Variants in AOPEP observed in about 807,000 individuals in gnomAD.
AOPEP encodes the protein aminopeptidase O (putative).
A neutral mutation model predicts 98.1 loss-of-function variants in AOPEP; 77 were observed. That is an observed-to-expected ratio of 0.78 (90% confidence interval 0.65 to 0.95). The LOEUF (loss-of-function observed/expected upper bound fraction) is 0.95, where lower values mean the gene tolerates loss of function less well. Ranked by LOEUF, AOPEP falls within the 40% of genes least tolerant of loss-of-function variation. The pLI is 0.00. For synonymous variants in AOPEP, 346 were observed against 365.3 expected (o/e 0.95, Z 0.60); for missense variants, 1,024 against 1,024.7 (o/e 1.00, Z 0.01).
chr9:94,811,728 C>T (rs966072801), intron 5 of AOPEP, among the ~76,000 whole-genome samples: 5 of 152,206 alleles, frequency 3.3e-5, no homozygotes, highest in Admixed American at 6.5e-5. Context: ...GTGCCTGTCC[C>T]GGTAACCACT....
At chr9:94,765,253 G>C (rs58042095) in intron 2 of AOPEP, among the ~76,000 whole-genome samples, 34,181 of 151,674 alleles carry the variant, frequency 0.23, 5,593 homozygotes, top group African/African-American at 0.46. Context: ...ATGAGCCACT[G>C]ACTGCGCCCA....
At chr9:94,844,982 A>C (rs958529050) in intron 5 of AOPEP, among the ~76,000 whole-genome samples, 5 of 152,282 alleles carry the variant, frequency 3.3e-5, no homozygotes, top group Admixed American at 6.5e-5. Context: ...TCAATCAATT[A>C]ACAAATATTT....
At chr9:95,061,068 G>A (rs1750014926) in intron 14 of AOPEP, 1 of 328,890 alleles carries the variant, frequency 3.0e-6, no homozygotes, top group Non-Finnish European at 5.7e-6. Context: ...TGAGTGGAAT[G>A]TTTTTGAGTT....
intron 3 of AOPEP, among the ~76,000 whole-genome samples, chr9:94,773,766 A>G (rs190495690): frequency 3.4e-4 from 52 of 152,294 alleles, no homozygotes; most frequent in African/African-American, 1.2e-3. Flanking sequence ...GATGCCAGGA[A>G]AAAATTTGTT....
chr9:95,015,295 T>C (rs1291514067), intron 13 of AOPEP, among the ~76,000 whole-genome samples: 14 of 152,244 alleles, frequency 9.2e-5, no homozygotes, highest in Admixed American at 9.2e-4. Context: ...GAATATATGC[T>C]TTTAAAAATT....
intron 5 of AOPEP, among the ~76,000 whole-genome samples, chr9:94,869,971 ATTTTTTTTTTTTTTTTTTTT>A (rs10556167): frequency 1.6e-4 from 15 of 93,570 alleles, no homozygotes; most frequent in African/African-American, 6.1e-4. Flanking sequence ...GAAGCCATGA[ATTTTTTTTTTTTTTTTTTTT>A]TTTTTTTTTT....
the AOPEP span, among the ~76,000 whole-genome samples, chr9:95,131,196 C>T: frequency 2.6e-5 from 4 of 152,130 alleles, no homozygotes; most frequent in Non-Finnish European, 4.4e-5. Flanking sequence ...TGTACTTTTG[C>T]GTCTTAAATT....
chr9:94,840,296 A>G (rs1283603349), intron 5 of AOPEP, among the ~76,000 whole-genome samples: 2 of 152,228 alleles, frequency 1.3e-5, no homozygotes, highest in African/African-American at 4.8e-5. Flanking sequence ...GTTGGATTAC[A>G]GTGGTTGATT....
intron 5 of AOPEP, among the ~76,000 whole-genome samples, chr9:94,854,990 A>G (rs1382565176): frequency 6.6e-6 from 1 of 152,248 alleles, no homozygotes; most frequent in Non-Finnish European, 1.5e-5. Flanking sequence ...GATTCTATAC[A>G]TACTCTAAAC....
At position 94,979,344 on chromosome 9, in the gene AOPEP, T is replaced by C. The variant is rs1377515753; in HGVS notation, c.1917-23T>C. ...GCTCTGTAACTTTTTAATCCTTTAC[T>C]TTTTGTTGTTTTATTTCTAAAGGCT... On this transcript the variant is annotated intron_variant, in intron 10 of 16. Coordinates refer to ENST00000375315, the MANE Select transcript of AOPEP (RefSeq NM_001193329.3). 1.9e-6 allele frequency: 3 copies of C among 1,560,324 alleles called. No individual in the cohort carries two copies. In the East Asian group the frequency reaches 6.8e-5, roughly 35 times the overall value.
At chr9:94,944,027 C>T (rs1483530325) in intron 7 of AOPEP, among the ~76,000 whole-genome samples, 1 of 150,664 alleles carries the variant, frequency 6.6e-6, no homozygotes, top group African/African-American at 2.4e-5. Flanking sequence ...ACATTATTGG[C>T]TATCAGGAAA....
chr9:95,131,596 C>T, the AOPEP span, among the ~76,000 whole-genome samples: 6 of 152,168 alleles, frequency 3.9e-5, no homozygotes, highest in Non-Finnish European at 5.9e-5. Context: ...CAGCTTTTAG[C>T]CATACACATC....
At chr9:94,966,234 G>A (rs575187453) in intron 9 of AOPEP, among the ~76,000 whole-genome samples, 1 of 150,980 alleles carries the variant, frequency 6.6e-6, no homozygotes, top group South Asian at 2.1e-4. Context: ...GCAGTTCACT[G>A]GGTGTCATCA....
intron 4 of AOPEP, among the ~76,000 whole-genome samples, chr9:94,797,393 T>C (rs1291897555): frequency 1.4e-5 from 2 of 147,610 alleles, no homozygotes; most frequent in African/African-American, 5.0e-5. Context: ...ATTGCACCAC[T>C]GCACTTCAGC....
At chr9:94,866,835 T>G (rs1228501445) in intron 5 of AOPEP, among the ~76,000 whole-genome samples, 4 of 152,238 alleles carry the variant, frequency 2.6e-5, no homozygotes, top group Non-Finnish European at 5.9e-5. Context: ...GACTGTTTAC[T>G]TAAGGGATTT....
chr9:95,145,235 A>G, the AOPEP span: 1 of 152,244 alleles, frequency 6.6e-6, no homozygotes, highest in Non-Finnish European at 1.5e-5. Context: ...CAAACAACAC[A>G]ATGAAAATCT....
chr9:95,064,358 G>T (rs1049685377), intron 14 of AOPEP, among the ~76,000 whole-genome samples: 1 of 152,184 alleles, frequency 6.6e-6, no homozygotes, highest in Non-Finnish European at 1.5e-5. Context: ...GCAGTGGCAC[G>T]ATCTTGGCTC....
chr9:95,132,925 A>T, the AOPEP span, among the ~76,000 whole-genome samples: 13 of 152,350 alleles, frequency 8.5e-5, no homozygotes, highest in East Asian at 2.1e-3. Flanking sequence ...AATATAATTA[A>T]CAGTGCTCTA....
chr9:94,737,491 T>C (rs1832046690), intron 1 of AOPEP, among the ~76,000 whole-genome samples: 1 of 152,238 alleles, frequency 6.6e-6, no homozygotes. Flanking sequence ...AAGAATGGTT[T>C]CTGGATTGTA....
Sources: gnomAD v4.1 joint callset for allele counts (sites outside exome capture counted in the v4.1 genomes callset) on GRCh38, gnomAD v4.1.1 for gene constraint, MANE v1.5 for transcripts, NCBI Gene and HGNC (gene_info 2026-07-23, HGNC 2026-07-21) for gene names.